TBC1D4: variants seen among roughly 807,000 people sequenced by gnomAD.
TBC1D4 encodes the protein TBC (Tre-2, BUB2, CDC16) domain-containing protein.
TBC1D4 carries 121 observed loss-of-function variants against 142.5 expected under a neutral mutation model. That is an observed-to-expected ratio of 0.85 (90% CI 0.73 to 0.99). The LOEUF (loss-of-function observed/expected upper bound fraction) is 0.99, where lower values mean the gene tolerates loss of function less well. Among genes scored for constraint, TBC1D4 ranks in the 50% least tolerant of loss-of-function variants. The probability of loss-of-function intolerance (pLI) is 0.00; values close to 1 mark genes in which losing one functional copy is unlikely to be tolerated. For missense variants in TBC1D4, 1,475 were observed against 1,606.6 expected (o/e 0.92, Z 1.40); for synonymous variants, 630 against 628.2 (o/e 1.00, Z -0.04).
At chr13:75,298,097 G>A (rs912567393) in intron 17 of TBC1D4, among the ~76,000 whole-genome samples, 1 of 111,674 alleles carries the variant, frequency 9.0e-6, no homozygotes, top group Admixed American at 9.0e-5. Flanking sequence ...TCATCTCTGG[G>A]AAACAGAAAA....
intron 18 of TBC1D4, among the ~76,000 whole-genome samples, chr13:75,293,150 T>C (rs1017633206): frequency 6.6e-6 from 1 of 152,168 alleles, no homozygotes; most frequent in African/African-American, 2.4e-5. Context: ...CAAGACTCAG[T>C]CTTAGAAAAA....
At chr13:75,353,862 T>C (rs779832005) in intron 4 of TBC1D4, among the ~76,000 whole-genome samples, 8 of 152,158 alleles carry the variant, frequency 5.3e-5, no homozygotes, top group Non-Finnish European at 1.0e-4. Context: ...CCGGACAGTA[T>C]GAAAGGCAGC....
At chr13:75,444,436 T>G (rs1481499975) in intron 1 of TBC1D4, among the ~76,000 whole-genome samples, 7 of 152,178 alleles carry the variant, frequency 4.6e-5, no homozygotes, top group Non-Finnish European at 8.8e-5. Flanking sequence ...CTCTAACTCT[T>G]TAGTAGAAAA....
At position 75,362,623 on chromosome 13, in the gene TBC1D4, A is replaced by T; in HGVS notation, c.499-16T>A. On this transcript the variant is annotated splice_polypyrimidine_tract_variant and intron_variant, in intron 1 of 20. Transcript: ENST00000377636. This position sits in a 1 kb window ranked among gnomAD's most constrained non-coding sequence, Gnocchi z 4.2. ...CATCAGGAACCTGGGGGAAAAAATTAAAACCCTGATTCTAGTTGAAAGTTT... is the reference window on the plus strand; with the variant it reads ...CATCAGGAACCTGGGGGAAAAAATTTAAACCCTGATTCTAGTTGAAAGTTT... The T allele has an allele frequency of 6.2e-7, 1 of 1,613,422 alleles. No homozygotes were observed.
chr13:75,419,850 G>T (rs1886088530), intron 1 of TBC1D4, among the ~76,000 whole-genome samples: 1 of 152,216 alleles, frequency 6.6e-6, no homozygotes, highest in African/African-American at 2.4e-5. Flanking sequence ...GGGGTGATAG[G>T]ACGTGCACAA....
At position 75,436,424 on chromosome 13, in the gene TBC1D4, G is replaced by A. The variant is rs377160101; in HGVS notation, c.498+44846C>T. Among the ~76,000 whole-genome samples the A allele has an allele frequency of 5.6e-4, 85 of 152,248 alleles. 2 individuals carry two copies. In the South Asian group the frequency reaches 0.018, roughly 32 times the overall value. On this transcript the variant is annotated intron_variant, in intron 1 of 20. Coordinates refer to ENST00000377636, the MANE Select transcript of TBC1D4 (RefSeq NM_014832.5). ...AAATCCCAGCACTTTGGGAGGCCAA[G>A]GCAGCCAGATCATTTAAGCTCAGGG...
chr13:75,338,446 C>A (rs1308766809), intron 7 of TBC1D4, among the ~76,000 whole-genome samples: 1 of 152,012 alleles, frequency 6.6e-6, no homozygotes, highest in African/African-American at 2.4e-5. Flanking sequence ...ATAGTAACTG[C>A]TCAGTAAATA....
chr13:75,449,392 T>TA (rs1236967009), intron 1 of TBC1D4, among the ~76,000 whole-genome samples: 1 of 152,026 alleles, frequency 6.6e-6, no homozygotes, highest in Non-Finnish European at 1.5e-5. Context: ...CAATAACAAC[T>TA]AATGATAACA....
intron 11 of TBC1D4, among the ~76,000 whole-genome samples, chr13:75,323,021 C>T (rs1878910089): frequency 6.6e-6 from 1 of 151,984 alleles, no homozygotes; most frequent in South Asian, 2.1e-4. Flanking sequence ...GTTATCTTTT[C>T]TTAAAGTGAA....
At chr13:75,429,083 T>C (rs1886493439) in intron 1 of TBC1D4, among the ~76,000 whole-genome samples, 1 of 152,238 alleles carries the variant, frequency 6.6e-6, no homozygotes. Context: ...GTGGCAATCC[T>C]AGTTTTCTGT....
chr13:75,358,319 G>A (rs1305232468), intron 3 of TBC1D4, among the ~76,000 whole-genome samples: 3 of 152,292 alleles, frequency 2.0e-5, no homozygotes, highest in South Asian at 2.1e-4. Flanking sequence ...GGGACAACCA[G>A]TAAATTGGTA....
intron 1 of TBC1D4, among the ~76,000 whole-genome samples, chr13:75,424,561 T>A (rs1886303660): frequency 6.6e-6 from 1 of 151,678 alleles, no homozygotes; most frequent in Admixed American, 6.6e-5. Flanking sequence ...ACCAAAGCAA[T>A]CTTGAGCAAA....
intron 12 of TBC1D4, among the ~76,000 whole-genome samples, chr13:75,315,620 T>C (rs1215079521): frequency 6.6e-6 from 1 of 152,100 alleles, no homozygotes; most frequent in Non-Finnish European, 1.5e-5. Context: ...TTCATAGGTA[T>C]ATTTCTAGCT....
At chr13:75,422,563 T>G (rs912224012) in intron 1 of TBC1D4, among the ~76,000 whole-genome samples, 1 of 152,212 alleles carries the variant, frequency 6.6e-6, no homozygotes, top group Non-Finnish European at 1.5e-5. Context: ...AGAAAATCCT[T>G]TCGAACTTCA....
At position 75,343,832 on chromosome 13, in the gene TBC1D4, T is replaced by TTTTAC. The variant is rs1301157993; in HGVS notation, c.1409-2250_1409-2246dup. Among the ~76,000 whole-genome samples the TTTTAC allele has an allele frequency of 1.5e-4, 23 of 150,194 alleles. No homozygotes were observed. In the Admixed American group the frequency reaches 1.5e-3, roughly 10 times the overall value. On this transcript the variant is annotated intron_variant, in intron 5 of 20. Coordinates refer to ENST00000377636, the MANE Select transcript of TBC1D4 (RefSeq NM_014832.5). ...CTGTTTTGTGTTTATTTTTATTTTA[T>TTTTAC]TTTACTTTATTTTATTTTATTTTTT...
At chr13:75,417,377 G>A (rs1280932073) in intron 1 of TBC1D4, among the ~76,000 whole-genome samples, 12 of 152,186 alleles carry the variant, frequency 7.9e-5, no homozygotes, top group Non-Finnish European at 1.8e-4. Flanking sequence ...TACCTGGGAG[G>A]AGTAACACTG....
At chr13:75,366,682 CAAAA>C (rs11286033) in intron 1 of TBC1D4, among the ~76,000 whole-genome samples, 1 of 148,638 alleles carries the variant, frequency 6.7e-6, no homozygotes, top group Non-Finnish European at 1.5e-5. Flanking sequence ...TCACTCTAGA[CAAAA>C]AAAAAAAAAT....
intron 2 of TBC1D4, 146 bp from the exon 3 acceptor site, chr13:75,360,004 C>T: frequency 1.5e-6 from 1 of 678,642 alleles, no homozygotes; most frequent in Non-Finnish European, 2.5e-6. Context: ...CTAATCCAAC[C>T]AATATTTTTA....
At chr13:75,367,986 A>G (rs1026711015) in intron 1 of TBC1D4, among the ~76,000 whole-genome samples, 2 of 152,194 alleles carry the variant, frequency 1.3e-5, no homozygotes, top group African/African-American at 4.8e-5. Context: ...TTAGAAGCAC[A>G]CCGAGTTCGT....
Sources: allele counts gnomAD v4.1 joint callset (sites outside exome capture counted in the v4.1 genomes callset), GRCh38; gene constraint gnomAD v4.1.1; non-coding constraint Gnocchi (gnomAD v3.1); transcripts MANE v1.5; gene names NCBI Gene and HGNC (gene_info 2026-07-23, HGNC 2026-07-21).